Variants in PKIA observed in about 807,000 individuals in gnomAD.
The protein encoded by PKIA is cAMP-dependent protein kinase inhibitor alpha.
A neutral mutation model predicts 7.6 loss-of-function variants in PKIA; 4 were observed. That is an observed-to-expected ratio of 0.52 (90% confidence interval 0.26 to 1.20). The LOEUF (loss-of-function observed/expected upper bound fraction) is 1.20, where lower values mean the gene tolerates loss of function less well. Ranked by LOEUF, PKIA falls within the 50% of genes most tolerant of loss-of-function variation. The probability of loss-of-function intolerance (pLI) is 0.13; values close to 1 mark genes in which losing one functional copy is unlikely to be tolerated. For missense variants in PKIA, 73 were observed against 86.2 expected (o/e 0.85, Z 0.61); for synonymous variants, 21 against 30.7 (o/e 0.68, Z 1.04).
chr8:78,582,027 T>C (rs1807823294), intron 2 of PKIA, among the ~76,000 whole-genome samples: 2 of 152,070 alleles, frequency 1.3e-5, no homozygotes, highest in Admixed American at 1.3e-4. Flanking sequence ...TTTAAAATTA[T>C]GAACAAAAGA....
At chr8:78,542,040 G>A (rs992868962) in intron 1 of PKIA, among the ~76,000 whole-genome samples, 7 of 152,138 alleles carry the variant, frequency 4.6e-5, no homozygotes, top group African/African-American at 1.7e-4. Context: ...GCTGGGCATG[G>A]TGGTGTGCAT....
intron 1 of PKIA, among the ~76,000 whole-genome samples, chr8:78,537,718 T>C (rs1374303341): frequency 6.6e-6 from 1 of 151,508 alleles, no homozygotes. Context: ...TAAATACTTC[T>C]AGAATGAAAG....
intron 2 of PKIA, among the ~76,000 whole-genome samples, chr8:78,581,537 T>C (rs919240460): frequency 6.6e-6 from 1 of 152,132 alleles, no homozygotes; most frequent in Non-Finnish European, 1.5e-5. Flanking sequence ...CCAAATTGTC[T>C]GTTGATAGGA....
intron 1 of PKIA, among the ~76,000 whole-genome samples, chr8:78,557,710 A>T (rs762795080): frequency 6.6e-6 from 1 of 152,176 alleles, no homozygotes; most frequent in African/African-American, 2.4e-5. Context: ...AGGCTGTTCA[A>T]CTGCAGTTTA....
chr8:78,541,584 T>G (rs1806689574), intron 1 of PKIA, among the ~76,000 whole-genome samples: 1 of 152,158 alleles, frequency 6.6e-6, no homozygotes, highest in South Asian at 2.1e-4. Flanking sequence ...TTGCAAAATA[T>G]CAGTTGAATT....
At chr8:78,559,209 A>G (rs1169888652) in intron 1 of PKIA, among the ~76,000 whole-genome samples, 2 of 152,288 alleles carry the variant, frequency 1.3e-5, no homozygotes, top group East Asian at 3.9e-4. Context: ...GGCATAAGCC[A>G]CCGTGCCCAG....
chr8:78,542,211 TTG>T (rs942722089), intron 1 of PKIA, among the ~76,000 whole-genome samples: 9 of 152,064 alleles, frequency 5.9e-5, no homozygotes, highest in African/African-American at 2.2e-4. Context: ...TTATGCCACT[TTG>T]TTTTTGCTTC....
chr8:78,578,765 A>G (rs1001675697), intron 2 of PKIA, among the ~76,000 whole-genome samples: 2 of 151,824 alleles, frequency 1.3e-5, no homozygotes, highest in Non-Finnish European at 2.9e-5. Flanking sequence ...AGAGTGCCCT[A>G]AAACTCATTC....
intron 1 of PKIA, among the ~76,000 whole-genome samples, chr8:78,570,227 G>A (rs1034214913): frequency 4.6e-5 from 7 of 152,036 alleles, no homozygotes; most frequent in Admixed American, 1.3e-4. Context: ...TATTCATGCC[G>A]AGGCACATCA....
intron 1 of PKIA, among the ~76,000 whole-genome samples, chr8:78,547,311 GC>G (rs891735459): frequency 1.3e-5 from 2 of 151,906 alleles, no homozygotes; most frequent in Non-Finnish European, 2.9e-5. Flanking sequence ...CACCATATTA[GC>G]CAAGATGGTC....
At chr8:78,543,273 T>C (rs887459420) in intron 1 of PKIA, among the ~76,000 whole-genome samples, 2 of 152,206 alleles carry the variant, frequency 1.3e-5, no homozygotes, top group African/African-American at 4.8e-5. Context: ...CCCTATGCCT[T>C]TGACTTGCAT....
At position 78,549,205 on chromosome 8, in the gene PKIA, G is replaced by A. The variant is rs542283670; in HGVS notation, c.-156-23606G>A. On this transcript the variant is annotated intron_variant, in intron 1 of 3. Coordinates refer to ENST00000396418, the MANE Select transcript of PKIA (RefSeq NM_006823.4). The stretch of plus-strand genomic sequence containing the variant: ...AGTTTGAAGTCATAATTTTAATGTA[G>A]CAGGAAAAGATAAAGTCATTCTCCC... Among the ~76,000 whole-genome samples the A allele has an allele frequency of 1.8e-4, 27 of 152,120 alleles. No homozygotes were observed. The South Asian group carries it at 5.4e-3, about 30-fold the overall frequency.
chr8:78,599,040 G>T (rs1293029848), intron 3 of PKIA, among the ~76,000 whole-genome samples: 1 of 152,000 alleles, frequency 6.6e-6, no homozygotes, highest in Non-Finnish European at 1.5e-5. Flanking sequence ...TAACTCTTAG[G>T]TAAAAGGGTC....
chr8:78,526,449 T>G lies in PKIA; in HGVS notation c.-157+9981T>G, dbSNP rs1471627962. ...ATTATCAGAAATGATATTACGGGCA[T>G]TAAATAAGGGTGCTTATTTCAGAAG... On this transcript the variant is annotated intron_variant, in intron 1 of 3. Transcript: ENST00000396418. 2.0e-5 allele frequency among the ~76,000 whole-genome samples: 3 copies of G among 152,082 alleles called. No individual in the cohort carries two copies. In the South Asian group the frequency reaches 6.2e-4, roughly 31 times the overall value.
intron 1 of PKIA, among the ~76,000 whole-genome samples, chr8:78,526,607 A>G (rs1806237939): frequency 6.6e-6 from 1 of 152,034 alleles, no homozygotes; most frequent in Non-Finnish European, 1.5e-5. Context: ...ACAAAAATTA[A>G]ACTAACTCCA....
intron 1 of PKIA, among the ~76,000 whole-genome samples, chr8:78,565,476 G>T (rs1021291696): frequency 1.3e-5 from 2 of 151,866 alleles, no homozygotes; most frequent in Non-Finnish European, 1.5e-5. Flanking sequence ...GTAAAATTTG[G>T]ACTCAACTTC....
At chr8:78,534,120 T>C (rs534573566) in intron 1 of PKIA, 64 of 152,276 alleles carry the variant, frequency 4.2e-4, no homozygotes, top group African/African-American at 1.5e-3. Flanking sequence ...TGTAGTAATA[T>C]TAATATTTCA....
intron 1 of PKIA, chr8:78,535,853 A>C (rs1806508078): frequency 6.6e-6 from 1 of 152,230 alleles, no homozygotes; most frequent in African/African-American, 2.4e-5. Flanking sequence ...AGAGTACCCG[A>C]GAGGTATGCA....
intron 1 of PKIA, among the ~76,000 whole-genome samples, chr8:78,543,763 C>T (rs7007627): frequency 0.24 from 36,708 of 152,068 alleles, 5,188 homozygotes; most frequent in African/African-American, 0.4. Context: ...TTTGCTTTAA[C>T]TAAGAGAATT....
Sources: gnomAD v4.1 joint callset for allele counts (sites outside exome capture counted in the v4.1 genomes callset) on GRCh38, gnomAD v4.1.1 for gene constraint, MANE v1.5 for transcripts, NCBI Gene and HGNC (gene_info 2026-07-23, HGNC 2026-07-21) for gene names.